Variants in LRP1B observed in about 807,000 individuals in gnomAD.
The protein encoded by LRP1B is low-density lipoprotein receptor-related protein 1B.
In LRP1B, 217 loss-of-function variants were observed where a neutral mutation model predicts 556.6. The observed-to-expected ratio is 0.39, with a 90% CI of 0.35 to 0.44. The LOEUF (loss-of-function observed/expected upper bound fraction) is 0.44. Among genes scored for constraint, LRP1B ranks in the 20% least tolerant of loss-of-function variants. LRP1B has a pLI of 1.00. For missense variants in LRP1B, 5,053 were observed against 5,620.8 expected (o/e 0.90, Z 3.23); for synonymous variants, 2,047 against 1,865.8 (o/e 1.10, Z -2.50).
At chr2:140,628,855 G>T (rs1683775345) in intron 41 of LRP1B, among the ~76,000 whole-genome samples, 2 of 151,960 alleles carry the variant, frequency 1.3e-5, no homozygotes, top group African/African-American at 4.8e-5. Context: ...AGATCTGTTT[G>T]TTTGAAAGTG....
chr2:141,062,656 C>T (rs1052362790), intron 7 of LRP1B, among the ~76,000 whole-genome samples: 1 of 151,810 alleles, frequency 6.6e-6, no homozygotes, highest in Non-Finnish European at 1.5e-5. Context: ...TATCTTCAAC[C>T]TGCCTTTCAA....
chr2:141,347,112 A>T (rs1302590228), intron 3 of LRP1B, among the ~76,000 whole-genome samples: 1 of 152,160 alleles, frequency 6.6e-6, no homozygotes, highest in East Asian at 1.9e-4. Flanking sequence ...TTATTAAAAC[A>T]GTACTGATAA....
intron 87 of LRP1B, among the ~76,000 whole-genome samples, chr2:140,245,662 A>T (rs1681127472): frequency 6.6e-6 from 1 of 151,438 alleles, no homozygotes; most frequent in African/African-American, 2.4e-5. Context: ...ATAAATTAAT[A>T]TGCCTCCAGA....
chr2:140,851,930 A>G (rs1692471505), intron 27 of LRP1B, 147 bp from the exon 28 acceptor site: 1 of 560,894 alleles, frequency 1.8e-6, no homozygotes, highest in Non-Finnish European at 3.1e-6. Context: ...TGACAATAAT[A>G]GACAATCATA....
chr2:140,987,395 C>T (rs1456975045), intron 17 of LRP1B, among the ~76,000 whole-genome samples: 1 of 151,848 alleles, frequency 6.6e-6, no homozygotes, highest in Non-Finnish European at 1.5e-5. Flanking sequence ...GTGGTTTGGC[C>T]ATTGAAAATA....
At position 140,534,131 on chromosome 2, in the gene LRP1B, C is replaced by A. The variant is rs1690843783; in HGVS notation, c.7652G>T (p.Ser2551Ile). ...GCATGGCTTGAAGCCTCTTCGACAGCTTCTGTTTTCTTATAAATAAAAGTA... is the reference window on the plus strand; with the variant it reads ...GCATGGCTTGAAGCCTCTTCGACAGATTCTGTTTTCTTATAAATAAAAGTA... Reference protein sequence around the residue: ...DEKLLYCENRSCRRGFKPCYN... With the variant: ...DEKLLYCENRICRRGFKPCYN... Residue 2551 changes from serine (S) to isoleucine (I), a missense_variant, in exon 47 of 91, where the codon AGC becomes ATC. Ser to Ile is a moderately radical substitution (Grantham distance 142). Around this residue, in one of 5 missense-constraint regions of LRP1B, gnomAD observed 3,619 missense variants for 3,931.9 expected, o/e 0.92. Coordinates refer to ENST00000389484, the MANE Select transcript of LRP1B (RefSeq NM_018557.3). 6.2e-7 allele frequency: 1 copy of A among 1,610,702 alleles called. No individual in the cohort carries two copies. The highest frequency in any genetic ancestry group is 1.1e-5 in the South Asian group (1 of 90,542).
chr2:140,668,445 C>T (rs577096196), intron 41 of LRP1B, among the ~76,000 whole-genome samples: 1 of 144,158 alleles, frequency 6.9e-6, no homozygotes, highest in South Asian at 2.2e-4. Context: ...AATCATAATA[C>T]ATGTAACAAT....
chr2:140,505,285 A>G (rs1458868261), intron 53 of LRP1B, among the ~76,000 whole-genome samples: 1 of 152,196 alleles, frequency 6.6e-6, no homozygotes, highest in Admixed American at 6.5e-5. Context: ...TCAAGGTCAC[A>G]TAGCTAGTAA....
intron 1 of LRP1B, among the ~76,000 whole-genome samples, chr2:141,889,814 G>A (rs1320956832): frequency 3.3e-5 from 5 of 152,058 alleles, no homozygotes; most frequent in Non-Finnish European, 7.4e-5. Flanking sequence ...CCTTGAAAAA[G>A]TAAAAAAGTA....
intron 7 of LRP1B, among the ~76,000 whole-genome samples, chr2:141,078,405 T>C (rs944184919): frequency 6.6e-6 from 1 of 152,292 alleles, no homozygotes; most frequent in African/African-American, 2.4e-5. Context: ...CCTGCCTCCT[T>C]CTCCTAGCTA....
chr2:141,901,201 T>C (rs1257089821), intron 1 of LRP1B, among the ~76,000 whole-genome samples: 1 of 151,980 alleles, frequency 6.6e-6, no homozygotes, highest in African/African-American at 2.4e-5. Flanking sequence ...AACAGAAACA[T>C]GTATAATAGA....
intron 3 of LRP1B, among the ~76,000 whole-genome samples, chr2:141,324,113 A>AAC (rs1687352975): frequency 7.1e-5 from 9 of 126,218 alleles, no homozygotes; most frequent in Middle Eastern, 4.3e-3. Context: ...GAACAAAGAA[A>AAC]TCACACACAC....
chr2:141,843,330 T>C (rs1697541593), intron 1 of LRP1B, among the ~76,000 whole-genome samples: 1 of 152,150 alleles, frequency 6.6e-6, no homozygotes, highest in Non-Finnish European at 1.5e-5. Context: ...CCATCATTAT[T>C]ATAGAATGGT....
chr2:141,428,210 C>T lies in LRP1B; in HGVS notation c.343+52186G>A, dbSNP rs373639523. On this transcript the variant is annotated intron_variant, in intron 3 of 90. Coordinates refer to ENST00000389484, the MANE Select transcript of LRP1B (RefSeq NM_018557.3). ...AATTAAGTAGGTTACAGGTTGAATC[C>T]ATTTCCTTTATAGCTTTCTGATTGA... is the stretch of plus-strand genomic sequence containing the variant. Among the ~76,000 whole-genome samples the T allele has an allele frequency of 4.6e-5, 7 of 152,018 alleles. No individual in the cohort carries two copies. In the East Asian group the frequency reaches 1.4e-3, roughly 29 times the overall value.
intron 7 of LRP1B, among the ~76,000 whole-genome samples, chr2:141,081,464 G>A (rs1034810850): frequency 6.6e-5 from 10 of 152,130 alleles, no homozygotes; most frequent in African/African-American, 1.4e-4. Flanking sequence ...CCTCTCTTAC[G>A]CACTTCGTGT....
chr2:140,761,067 C>A (rs1688904421), intron 35 of LRP1B, among the ~76,000 whole-genome samples: 1 of 152,124 alleles, frequency 6.6e-6, no homozygotes, highest in Non-Finnish European at 1.5e-5. Context: ...TGTTCTATTC[C>A]ATTTGTGAAA....
chr2:141,338,827 AAG>A (rs1687941383), intron 3 of LRP1B, among the ~76,000 whole-genome samples: 1 of 152,094 alleles, frequency 6.6e-6, no homozygotes, highest in Non-Finnish European at 1.5e-5. Context: ...AAAGAACCCA[AAG>A]CTCTTCCTTG....
intron 1 of LRP1B, among the ~76,000 whole-genome samples, chr2:141,930,413 A>G (rs1444680060): frequency 1.3e-5 from 2 of 152,052 alleles, no homozygotes; most frequent in African/African-American, 4.8e-5. Context: ...AAATGCCATA[A>G]TTATTAGATG....
chr2:140,836,032 G>A (rs1011292611), intron 31 of LRP1B, among the ~76,000 whole-genome samples: 2 of 152,080 alleles, frequency 1.3e-5, no homozygotes, highest in African/African-American at 4.8e-5. Flanking sequence ...ACACACATCT[G>A]TATGTACATA....
Sources: allele counts gnomAD v4.1 joint callset (sites outside exome capture counted in the v4.1 genomes callset), GRCh38; gene constraint gnomAD v4.1.1; regional missense constraint gnomAD v4.1.1; transcripts MANE v1.5; gene names NCBI Gene and HGNC (gene_info 2026-07-23, HGNC 2026-07-21).